Variants in ADAMTS18 observed in about 807,000 individuals in gnomAD.
ADAMTS18 encodes the protein ADAM metallopeptidase with thrombospondin type 1 motif 18.
Under a neutral mutation model 165.9 loss-of-function variants are expected in ADAMTS18, and 157 were observed. The observed-to-expected ratio is 0.95, with a 90% confidence interval of 0.83 to 1.08. The LOEUF is 1.08. Among genes scored for constraint, ADAMTS18 ranks in the 50% least tolerant of loss-of-function variants. ADAMTS18 has a pLI of 0.00. For missense variants in ADAMTS18, 2,040 were observed against 1,534.0 expected, an observed-to-expected ratio of 1.33 and a Z score of -5.51; for synonymous variants, 782 against 578.2, an observed-to-expected ratio of 1.35 and a Z score of -5.06.
intron 8 of ADAMTS18, among the ~76,000 whole-genome samples, chr16:77,356,991 T>C (rs1037601076): frequency 1.0e-4 from 5 of 47,798 alleles, no homozygotes; most frequent in Non-Finnish European, 2.7e-4. Flanking sequence ...TGAAATTTTT[T>C]TTTTTTTTTT....
intron 16 of ADAMTS18, among the ~76,000 whole-genome samples, chr16:77,311,376 A>C (rs1030265991): frequency 2.6e-5 from 4 of 152,196 alleles, no homozygotes; most frequent in African/African-American, 9.6e-5. Flanking sequence ...TTTGGCTCCA[A>C]AAGTATTCAT....
intron 16 of ADAMTS18, among the ~76,000 whole-genome samples, chr16:77,308,645 G>C (rs192677186): frequency 1.9e-4 from 28 of 150,826 alleles, no homozygotes; most frequent in Admixed American, 1.3e-3. Context: ...AACTGTGTAT[G>C]AAACAGGCCT....
At chr16:77,338,105 C>T (rs953802611) in intron 11 of ADAMTS18, among the ~76,000 whole-genome samples, 6 of 151,956 alleles carry the variant, frequency 3.9e-5, no homozygotes, top group Non-Finnish European at 5.9e-5. Flanking sequence ...GGTTTCACCA[C>T]GTTGGCCAGG....
chr16:77,344,902 G>A (rs879545406), intron 10 of ADAMTS18, among the ~76,000 whole-genome samples: 4 of 152,006 alleles, frequency 2.6e-5, no homozygotes, highest in South Asian at 4.2e-4. Flanking sequence ...CAAAGGAAAC[G>A]CAAATCAGAG....
chr16:77,411,913 T>G (rs2057469255), intron 3 of ADAMTS18, among the ~76,000 whole-genome samples: 1 of 151,906 alleles, frequency 6.6e-6, no homozygotes, highest in South Asian at 2.1e-4. Context: ...GGTCTTGAAC[T>G]CCTGACCTCG....
chr16:77,357,230 G>A (rs1481596054), intron 8 of ADAMTS18, among the ~76,000 whole-genome samples: 1 of 151,958 alleles, frequency 6.6e-6, no homozygotes, highest in Non-Finnish European at 1.5e-5. Context: ...TAAAAGATAT[G>A]ACTTTTTTTG....
intron 3 of ADAMTS18, among the ~76,000 whole-genome samples, chr16:77,372,464 C>G (rs1331078919): frequency 6.6e-6 from 1 of 152,194 alleles, no homozygotes; most frequent in African/African-American, 2.4e-5. Flanking sequence ...TGTGGTAACA[C>G]AGGATAGTCA....
chr16:77,347,284 C>A lies in ADAMTS18; in HGVS notation c.1615-5485G>T, dbSNP rs371335157. On this transcript the variant is annotated intron_variant, in intron 10 of 22. Coordinates refer to ENST00000282849, the MANE Select transcript of ADAMTS18 (RefSeq NM_199355.4). The stretch of plus-strand genomic sequence containing the variant: ...GTTCTTGGACAAGCCTTTTTATGAA[C>A]ACAGTCCTTTATTTATTTCAGGTAG... Among the ~76,000 whole-genome samples, 9 of 152,260 alleles carry A rather than the reference C, an allele frequency of 5.9e-5. No individual in the cohort carries two copies. In the East Asian group the frequency reaches 1.4e-3, roughly 23 times the overall value.
chr16:77,433,973 T>C (rs985854805), intron 2 of ADAMTS18, among the ~76,000 whole-genome samples: 1 of 150,292 alleles, frequency 6.7e-6, no homozygotes, highest in Non-Finnish European at 1.5e-5. Flanking sequence ...AAAGAAGAGA[T>C]AGAAAAGGAA....
At chr16:77,317,001 G>A (rs1026376105) in intron 16 of ADAMTS18, among the ~76,000 whole-genome samples, 3 of 152,060 alleles carry the variant, frequency 2.0e-5, no homozygotes, top group African/African-American at 7.2e-5. Flanking sequence ...TCCTCCGCGT[G>A]AATTTCCTCT....
intron 10 of ADAMTS18, 91 bp downstream of exon 10, chr16:77,353,642 G>C: frequency 1.3e-6 from 2 of 1,568,010 alleles, no homozygotes; most frequent in Admixed American, 1.7e-5. Context: ...CCTAACCCTT[G>C]GCCTTGGCAA....
chr16:77,363,946 A>G (rs1212060368), intron 5 of ADAMTS18, 61 bp from the exon 6 acceptor site: 4 of 1,483,844 alleles, frequency 2.7e-6, no homozygotes, highest in Admixed American at 1.7e-5. Context: ...GGGGGAATCA[A>G]TCAGACATAT....
chr16:77,329,396 C>A (rs964881071), intron 12 of ADAMTS18, among the ~76,000 whole-genome samples: 2 of 152,162 alleles, frequency 1.3e-5, no homozygotes, highest in African/African-American at 4.8e-5. Flanking sequence ...ATCCATCAAA[C>A]ATGGCCAGAC....
chr16:77,322,510 T>A (rs1281679846), intron 13 of ADAMTS18, 44 bp from the exon 14 acceptor site: 2 of 1,604,848 alleles, frequency 1.2e-6, no homozygotes, highest in Non-Finnish European at 1.7e-6. Flanking sequence ...AAGAGGAAAC[T>A]AAGGAAAAAT....
At chr16:77,374,003 G>A (rs1348613164) in intron 3 of ADAMTS18, among the ~76,000 whole-genome samples, 5 of 152,008 alleles carry the variant, frequency 3.3e-5, no homozygotes, top group Non-Finnish European at 7.4e-5. Context: ...CAGATCACGT[G>A]AGGTCAGGAG....
chr16:77,404,297 T>C (rs913125877), intron 3 of ADAMTS18, among the ~76,000 whole-genome samples: 1 of 152,148 alleles, frequency 6.6e-6, no homozygotes, highest in Non-Finnish European at 1.5e-5. Context: ...GGTGGAACTT[T>C]TCAGGGCAAC....
intron 3 of ADAMTS18, among the ~76,000 whole-genome samples, chr16:77,385,956 G>A (rs899876123): frequency 1.3e-5 from 2 of 152,190 alleles, no homozygotes; most frequent in Non-Finnish European, 2.9e-5. Flanking sequence ...TGGGATCTGG[G>A]GAGAACAAAG....
At chr16:77,363,691 A>G in intron 6 of ADAMTS18, 111 bp downstream of exon 6, 2 of 967,180 alleles carry the variant, frequency 2.1e-6, no homozygotes, top group Admixed American at 3.8e-5. Context: ...GCCTAGTTTC[A>G]AATTTGAGCA....
At chr16:77,311,570 A>T (rs892032932) in intron 16 of ADAMTS18, among the ~76,000 whole-genome samples, 1 of 152,188 alleles carries the variant, frequency 6.6e-6, no homozygotes, top group Non-Finnish European at 1.5e-5. Context: ...GAGAGATACA[A>T]GCATGTGCTA....
Sources: allele counts gnomAD v4.1 joint callset (sites outside exome capture counted in the v4.1 genomes callset), GRCh38; gene constraint gnomAD v4.1.1; transcripts MANE v1.5; gene names NCBI Gene and HGNC (gene_info 2026-07-23, HGNC 2026-07-21).